Variants in NLRP11 observed in about 807,000 individuals in gnomAD.
NLRP11 encodes NACHT, LRR and PYD domains-containing protein 11.
A neutral mutation model predicts 79.3 loss-of-function variants in NLRP11; 53 were observed. That is an observed-to-expected ratio of 0.67 (90% confidence interval 0.54 to 0.84). The LOEUF (loss-of-function observed/expected upper bound fraction) is 0.84. Among genes scored for constraint, NLRP11 ranks in the 40% least tolerant of loss-of-function variants. NLRP11 has a pLI of 0.00. For synonymous variants in NLRP11, 518 were observed against 462.6 expected, an observed-to-expected ratio of 1.12 and a Z score of -1.54; for missense variants, 1,264 against 1,255.0, an observed-to-expected ratio of 1.01 and a Z score of -0.11.
At chr19:55,796,195 TGAG>T (rs1438324773) in exon 6 of NLRP11, 2 of 1,613,754 alleles carry the variant, frequency 1.2e-6, no homozygotes, top group Non-Finnish European at 1.7e-6. Context: ...CCGCCACTGA[TGAG>T]GAGAGAGGCG....
Position 55,816,097 on chromosome 19 carries a change from T to C in NLRP11, c.271+1807A>G, listed in dbSNP as rs1027903855. On this transcript the variant is annotated intron_variant, in intron 2 of 9. Transcript: ENST00000589093. ...AAGTAAATATTGTATAAAAGTTGTC[T>C]TCAATATTAGAGGAATTTGAGGACC... 3.9e-5 allele frequency among the ~76,000 whole-genome samples: 6 copies of C among 152,296 alleles called. No homozygotes were observed. The Middle Eastern group carries it at 0.01, about 259-fold the overall frequency.
intron 2 of NLRP11, among the ~76,000 whole-genome samples, chr19:55,813,043 G>T (rs1980757653): frequency 6.6e-6 from 1 of 152,064 alleles, no homozygotes; most frequent in African/African-American, 2.4e-5. Flanking sequence ...AATGGTAGAG[G>T]GTGGCCAGGC....
At chr19:55,817,832 A>C in intron 2 of NLRP11, 72 bp downstream of exon 2, 1 of 1,263,920 alleles carries the variant, frequency 7.9e-7, no homozygotes, top group Non-Finnish European at 1.1e-6. Flanking sequence ...AAAAAAAAAA[A>C]AAAAAGGCCC....
Position 55,808,081 on chromosome 19 carries a change from A to C in NLRP11, c.1842-67T>G, listed in dbSNP as rs115331623. 712 of 1,091,436 alleles carry C rather than the reference A, an allele frequency of 6.5e-4. 6 individuals carry two copies. The African/African-American group carries it at 0.01, about 16-fold the overall frequency. The allele number at this position is 1,091,436 out of a possible 1,614,324, so 67.6% of individuals were successfully genotyped here. A position where few individuals can be genotyped will look rare whatever the true frequency, so the allele number is the denominator to read the frequency against. On this transcript the variant is annotated intron_variant, in intron 3 of 9. Coordinates refer to ENST00000589093, the Ensembl canonical transcript of NLRP11. ...AACTCCAGCAATTTGTAAAACATGT[A>C]AATTAAAGTATGTTTTGAGAGTGCC...
At chr19:55,805,996 C>T (rs939318851) in intron 4 of NLRP11, among the ~76,000 whole-genome samples, 12 of 152,226 alleles carry the variant, frequency 7.9e-5, no homozygotes, top group Non-Finnish European at 1.2e-4. Flanking sequence ...TGCCATCTGA[C>T]ACAGTTGACC....
exon 4 of NLRP11, chr19:55,808,008 C>T (rs763411220): frequency 1.3e-6 from 2 of 1,584,272 alleles, no homozygotes; most frequent in Non-Finnish European, 8.6e-7. Flanking sequence ...CAAGGCTCTT[C>T]ATTTGACTAC....
intron 5 of NLRP11, 42 bp from the exon 6 acceptor site, chr19:55,796,292 A>C: frequency 2.6e-6 from 4 of 1,514,216 alleles, no homozygotes; most frequent in Non-Finnish European, 3.6e-6. Flanking sequence ...TCCCGCGTTT[A>C]AGCTATCCCC....
chr19:55,808,159 A>G (rs299165), intron 3 of NLRP11, 145 bp from the exon 4 acceptor site: 344,787 of 552,516 alleles, frequency 0.62, 110,817 homozygotes, highest in African/African-American at 0.9. Context: ...GTAGGGTCAA[A>G]CATGAATGAA....
chr19:55,830,769 A>G (rs76457906), intron 1 of NLRP11, among the ~76,000 whole-genome samples: 14,890 of 104,958 alleles, frequency 0.14, 1,057 homozygotes, highest in African/African-American at 0.4. Context: ...ATAAGGTGCC[A>G]ACTGAACTAT....
chr19:55,814,829 C>T (rs1980929191), intron 2 of NLRP11, among the ~76,000 whole-genome samples: 2 of 152,126 alleles, frequency 1.3e-5, no homozygotes, highest in Admixed American at 6.6e-5. Context: ...CCACACAACC[C>T]ACGGAGAACA....
chr19:55,801,807 C>A, intron 4 of NLRP11, 68 bp from the exon 5 acceptor site: 2 of 1,314,006 alleles, frequency 1.5e-6, no homozygotes, highest in South Asian at 2.5e-5. Flanking sequence ...ATTTCTCCTG[C>A]CTGCCTCACT....
rs572737922 is a variant in NLRP11 at position 55,793,070 on chromosome 19, G to T, written c.2343-599C>A. Among the ~76,000 whole-genome samples, 6 of 152,036 alleles carry T rather than the reference G, an allele frequency of 3.9e-5. No homozygotes were observed. The South Asian group carries it at 1.2e-3, about 32-fold the overall frequency. ...AAATAATTTTTAAAAATAGAGATGG[G>T]GGTCTCACTGTGTTGCCCAGGCTGG... On this transcript the variant is annotated intron_variant, in intron 6 of 9. Coordinates refer to ENST00000589093, the Ensembl canonical transcript of NLRP11.
rs1978412838 is a variant in NLRP11, at chr19:55,792,884, G to A, written c.2343-413C>T. 2.6e-5 allele frequency among the ~76,000 whole-genome samples: 4 copies of A among 152,228 alleles called. 1 individual carries two copies. The highest frequency in any genetic ancestry group is 4.1e-4 in the South Asian group (2 of 4,822). ...ACTGTTGAAGATTTTTTTAAACTGG[G>A]AAAAAGTGGAGACAGACGGCACACC... On this transcript the variant is annotated intron_variant, in intron 6 of 9. Coordinates refer to ENST00000589093, the Ensembl canonical transcript of NLRP11.
chr19:55,788,277 T>C (rs1226486002), intron 9 of NLRP11, among the ~76,000 whole-genome samples: 1 of 152,046 alleles, frequency 6.6e-6, no homozygotes, highest in Non-Finnish European at 1.5e-5. Context: ...TCAAGTATAA[T>C]ATCAACTGTC....
chr19:55,799,932 A>C (rs537781157), intron 5 of NLRP11, among the ~76,000 whole-genome samples: 30 of 152,254 alleles, frequency 2.0e-4, no homozygotes, highest in African/African-American at 6.7e-4. Context: ...ACACCACTGC[A>C]CTCCAGCCAG....
At chr19:55,813,603 T>C (rs1459653706) in intron 2 of NLRP11, among the ~76,000 whole-genome samples, 1 of 152,182 alleles carries the variant, frequency 6.6e-6, no homozygotes, top group Non-Finnish European at 1.5e-5. Context: ...TATCTGATAT[T>C]CTCTTAAATA....
chr19:55,819,176 CACACACACACACAG>C (rs1225095409), intron 1 of NLRP11, among the ~76,000 whole-genome samples: 69 of 124,326 alleles, frequency 5.5e-4, no homozygotes, highest in African/African-American at 2.5e-3. Context: ...CACACACACA[CACACACACACACAG>C]GTTGCCTCTT....
chr19:55,828,407 AAAGTAT>A (rs1982432789), intron 1 of NLRP11, among the ~76,000 whole-genome samples: 1 of 149,874 alleles, frequency 6.7e-6, no homozygotes, highest in Non-Finnish European at 1.5e-5. Flanking sequence ...CCTAAAACTT[AAAGTAT>A]AATAATAAAA....
intron 1 of NLRP11, among the ~76,000 whole-genome samples, chr19:55,822,684 C>T (rs571284656): frequency 1.3e-5 from 2 of 152,280 alleles, no homozygotes; most frequent in South Asian, 2.1e-4. Flanking sequence ...CACTCCCACC[C>T]GAATACTGCG....
Sources: gnomAD v4.1 joint callset for allele counts (sites outside exome capture counted in the v4.1 genomes callset) on GRCh38, gnomAD v4.1.1 for gene constraint, MANE v1.5 for transcripts, NCBI Gene and HGNC (gene_info 2026-07-23, HGNC 2026-07-21) for gene names.